CDKAL1: variants seen among roughly 807,000 people sequenced by gnomAD.
CDKAL1 encodes the protein threonylcarbamoyladenosine tRNA methylthiotransferase.
In CDKAL1, 32 loss-of-function variants were observed where a neutral mutation model predicts 68.2. The ratio of observed to expected loss-of-function variants is 0.47; its 90% CI spans 0.35 to 0.63. CDKAL1 has a LOEUF of 0.63. Among genes scored for constraint, CDKAL1 ranks in the 30% least tolerant of loss-of-function variants. The pLI, the probability that CDKAL1 is intolerant of heterozygous loss-of-function variation, is 0.00. For synonymous variants in CDKAL1, 234 were observed against 244.3 expected (o/e 0.96, Z 0.39); for missense variants, 606 against 696.7 (o/e 0.87, Z 1.47).
At chr6:21,151,890 C>T (rs1776425909) in intron 13 of CDKAL1, among the ~76,000 whole-genome samples, 1 of 152,020 alleles carries the variant, frequency 6.6e-6, no homozygotes, top group South Asian at 2.1e-4. Flanking sequence ...CTTTCTAGCT[C>T]TCCCTGGCGT....
chr6:20,832,214 G>A (rs1777746802), intron 8 of CDKAL1, among the ~76,000 whole-genome samples: 1 of 152,162 alleles, frequency 6.6e-6, no homozygotes. Flanking sequence ...AATATAAGGT[G>A]AGAAATGCCC....
chr6:20,603,841 A>G (rs530862609), intron 4 of CDKAL1, among the ~76,000 whole-genome samples: 4 of 123,530 alleles, frequency 3.2e-5, no homozygotes, highest in Non-Finnish European at 6.3e-5. Flanking sequence ...CAGTGGTGTG[A>G]TACCGGCTCA....
At chr6:20,885,415 G>A (rs1761021442) in intron 9 of CDKAL1, among the ~76,000 whole-genome samples, 2 of 152,092 alleles carry the variant, frequency 1.3e-5, no homozygotes, top group Admixed American at 1.3e-4. Context: ...TTATTCAGTG[G>A]GGAAAGATAG....
At chr6:20,975,300 C>G (rs1284383704) in intron 10 of CDKAL1, among the ~76,000 whole-genome samples, 1 of 152,166 alleles carries the variant, frequency 6.6e-6, no homozygotes, top group Non-Finnish European at 1.5e-5. Context: ...TTCCAAATTG[C>G]CTAATTTCAC....
chr6:20,544,149 A>G (rs1056921213), intron 2 of CDKAL1, among the ~76,000 whole-genome samples: 1 of 152,122 alleles, frequency 6.6e-6, no homozygotes, highest in African/African-American at 2.4e-5. Flanking sequence ...TCCAGCACGA[A>G]TTGTTTAAAA....
intron 10 of CDKAL1, among the ~76,000 whole-genome samples, chr6:20,957,968 C>CAAAAAAAAAAAAAAAAAAAAAAAAAAAAA (rs60301451): frequency 1.5e-5 from 1 of 67,394 alleles, no homozygotes; most frequent in African/African-American, 4.0e-5. Flanking sequence ...AAGATTATCT[C>CAAAAAAAAAAAAAAAAAAAAAAAAAAAAA]AAAAAAAAAA....
At chr6:21,071,241 T>C (rs1205037205) in intron 12 of CDKAL1, among the ~76,000 whole-genome samples, 1 of 152,104 alleles carries the variant, frequency 6.6e-6, no homozygotes, top group Non-Finnish European at 1.5e-5. Context: ...TGGGAGGTGA[T>C]TGGATCATGG....
chr6:20,960,973 C>T (rs2150736732), intron 10 of CDKAL1, among the ~76,000 whole-genome samples: 1 of 152,312 alleles, frequency 6.6e-6, no homozygotes, highest in South Asian at 2.1e-4. Flanking sequence ...TGCTTGTTAA[C>T]TTACACTGCT....
At chr6:20,963,522 G>C (rs567511881) in intron 10 of CDKAL1, among the ~76,000 whole-genome samples, 1 of 152,250 alleles carries the variant, frequency 6.6e-6, no homozygotes, top group African/African-American at 2.4e-5. Flanking sequence ...TGTTAAGTCT[G>C]GGTGAGTAAG....
chr6:21,205,119 C>T (rs10456241), intron 15 of CDKAL1, among the ~76,000 whole-genome samples: 42,298 of 152,080 alleles, frequency 0.28, 6,702 homozygotes, highest in African/African-American at 0.43. Flanking sequence ...TGTTGTAGCA[C>T]GTGTCAGAAT....
intron 8 of CDKAL1, among the ~76,000 whole-genome samples, chr6:20,802,306 C>CAAT (rs1233008970): frequency 9.1e-5 from 9 of 98,412 alleles, no homozygotes; most frequent in African/African-American, 2.0e-4. Flanking sequence ...CAAAAAACAA[C>CAAT]AACAACAACA....
At chr6:21,060,168 G>A (rs1771069115) in intron 11 of CDKAL1, among the ~76,000 whole-genome samples, 1 of 152,064 alleles carries the variant, frequency 6.6e-6, no homozygotes, top group Non-Finnish European at 1.5e-5. Context: ...AGTCTTGGGT[G>A]GTTTTGTTTT....
chr6:21,169,926 C>CCT (rs927172978), intron 13 of CDKAL1, among the ~76,000 whole-genome samples: 2 of 131,078 alleles, frequency 1.5e-5, no homozygotes, highest in Non-Finnish European at 3.2e-5. Context: ...GAAAGACCCC[C>CCT]CCCACCCCAT....
chr6:20,896,105 T>C (rs1249200406), intron 9 of CDKAL1, among the ~76,000 whole-genome samples: 1 of 99,674 alleles, frequency 1.0e-5, no homozygotes, highest in Non-Finnish European at 2.4e-5. Context: ...TTTCTTTTCT[T>C]TTTTTTTTTT....
intron 13 of CDKAL1, among the ~76,000 whole-genome samples, chr6:21,154,074 G>A (rs140415920): frequency 7.2e-5 from 11 of 152,222 alleles, no homozygotes; most frequent in Admixed American, 5.2e-4. Context: ...CCTGTGTCTC[G>A]GTTTCCTCAT....
intron 15 of CDKAL1, among the ~76,000 whole-genome samples, chr6:21,214,319 A>G (rs1183098426): frequency 6.6e-6 from 1 of 151,926 alleles, no homozygotes; most frequent in African/African-American, 2.4e-5. Flanking sequence ...TATTTTATAT[A>G]TATATATATA....
chr6:20,538,701 C>T (rs1256176347), intron 2 of CDKAL1, among the ~76,000 whole-genome samples: 1 of 152,162 alleles, frequency 6.6e-6, no homozygotes, highest in Non-Finnish European at 1.5e-5. Flanking sequence ...AAGGCACTAC[C>T]TGGTCCTAGC....
rs748405533 is a variant in CDKAL1, at chr6:21,166,649, AG to A, written c.1300-31370del. On this transcript the variant is annotated intron_variant, in intron 13 of 15. Transcript: ENST00000274695. ...CTATTAAAAAAACTTCAGTGGACAA[AG>A]GTTTAGCTTTCAATAGACTAATCAA... is the stretch of plus-strand genomic sequence containing the variant. 1.7e-4 allele frequency among the ~76,000 whole-genome samples: 26 copies of A among 152,330 alleles called. No homozygotes were observed. In the South Asian group the frequency reaches 5.4e-3, roughly 32 times the overall value.
intron 4 of CDKAL1, chr6:20,599,278 T>C (rs924915189): frequency 4.8e-6 from 2 of 420,158 alleles, no homozygotes; most frequent in African/African-American, 4.1e-5. Context: ...AGATAATAAG[T>C]GTTAGATGTC....
Sources: gnomAD v4.1 joint callset for allele counts (sites outside exome capture counted in the v4.1 genomes callset) on GRCh38, gnomAD v4.1.1 for gene constraint, MANE v1.5 for transcripts, NCBI Gene and HGNC (gene_info 2026-07-23, HGNC 2026-07-21) for gene names.